The following KCNC2 variants were observed in gnomAD, a reference collection of about 807,000 sequenced individuals.
The protein encoded by KCNC2 is potassium voltage-gated channel subfamily C member 2.
Under a neutral mutation model 44.5 loss-of-function variants are expected in KCNC2, and 21 were observed. The ratio of observed to expected loss-of-function variants is 0.47; its 90% CI spans 0.33 to 0.68. The LOEUF is 0.68. KCNC2 is among the 30% of genes least tolerant of loss of function. The pLI is 0.01. For missense variants in KCNC2, 589 were observed against 826.2 expected (o/e 0.71, Z 3.52); for synonymous variants, 391 against 339.1 (o/e 1.15, Z -1.68).
chr12:75,165,981 G>A (rs1891423358), intron 2 of KCNC2, among the ~76,000 whole-genome samples: 1 of 151,236 alleles, frequency 6.6e-6, no homozygotes, highest in South Asian at 2.1e-4. Flanking sequence ...GACAGAATGA[G>A]TTTAAAGAAT....
At chr12:75,206,897 A>G (rs189411037) in intron 2 of KCNC2, among the ~76,000 whole-genome samples, 48 of 152,324 alleles carry the variant, frequency 3.2e-4, no homozygotes, top group African/African-American at 1.1e-3. Context: ...GAAAATGTCA[A>G]ATAGGGATGA....
At chr12:75,202,928 G>A (rs898176145) in intron 2 of KCNC2, among the ~76,000 whole-genome samples, 4 of 151,064 alleles carry the variant, frequency 2.6e-5, no homozygotes, top group African/African-American at 9.7e-5. Context: ...GCTCATTGAA[G>A]GCAAAGGATT....
At position 75,153,786 on chromosome 12, in the gene KCNC2, T is replaced by C. The variant is rs537754252; in HGVS notation, c.687+53511A>G. Among the ~76,000 whole-genome samples, 40 of 151,830 alleles carry C rather than the reference T, an allele frequency of 2.6e-4. 1 individual carries two copies. Among genetic ancestry groups the C allele is most frequent in the Middle Eastern group, 3.4e-3 (1 of 294 alleles). ...AAAAGAAATGTTATTAAGAAAAACGTGAAGGAGAGAAAATATATTTATTAT... is the reference window on the plus strand; with the variant it reads ...AAAAGAAATGTTATTAAGAAAAACGCGAAGGAGAGAAAATATATTTATTAT... On this transcript the variant is annotated intron_variant, in intron 2 of 4. Coordinates refer to ENST00000549446, the MANE Select transcript of KCNC2 (RefSeq NM_139137.4).
At chr12:75,106,591 G>A (rs1226754415) in intron 2 of KCNC2, among the ~76,000 whole-genome samples, 4 of 152,036 alleles carry the variant, frequency 2.6e-5, no homozygotes, top group Non-Finnish European at 4.4e-5. Flanking sequence ...GAAGGTATAG[G>A]TAATGGATGC....
chr12:75,099,692 T>C (rs1488092200), intron 2 of KCNC2, among the ~76,000 whole-genome samples: 1 of 152,180 alleles, frequency 6.6e-6, no homozygotes, highest in Non-Finnish European at 1.5e-5. Flanking sequence ...ATACAAGATT[T>C]CTATTATCCT....
chr12:75,084,836 A>G (rs1884859811), intron 2 of KCNC2, among the ~76,000 whole-genome samples: 1 of 151,808 alleles, frequency 6.6e-6, no homozygotes. Flanking sequence ...GAAGATATGT[A>G]TGCTCTAAGA....
chr12:75,076,430 G>C (rs970592436), intron 2 of KCNC2, among the ~76,000 whole-genome samples: 3 of 151,938 alleles, frequency 2.0e-5, no homozygotes, highest in Non-Finnish European at 2.9e-5. Flanking sequence ...CCGCTACCAC[G>C]CCCGGCTAAT....
At chr12:75,070,696 T>G (rs533427503) in intron 2 of KCNC2, among the ~76,000 whole-genome samples, 191 of 152,012 alleles carry the variant, frequency 1.3e-3, no homozygotes, top group Non-Finnish European at 2.1e-3. Flanking sequence ...AAATGCATTA[T>G]TAATATATTT....
intron 2 of KCNC2, among the ~76,000 whole-genome samples, chr12:75,133,447 A>AC (rs1285092111): frequency 6.7e-6 from 1 of 150,176 alleles, no homozygotes. Flanking sequence ...ATACTACAGA[A>AC]CTGAAAAAAA....
At chr12:75,061,802 A>G (rs985915059) in intron 2 of KCNC2, among the ~76,000 whole-genome samples, 1 of 152,078 alleles carries the variant, frequency 6.6e-6, no homozygotes, top group Non-Finnish European at 1.5e-5. Context: ...CATCATAACT[A>G]CATGATTTTT....
chr12:75,090,136 G>A (rs1885349951), intron 2 of KCNC2, among the ~76,000 whole-genome samples: 1 of 151,592 alleles, frequency 6.6e-6, no homozygotes, highest in African/African-American at 2.4e-5. Flanking sequence ...CAGTCTAGAT[G>A]GCATCTCTAC....
At chr12:75,058,083 A>G (rs915929844) in intron 2 of KCNC2, among the ~76,000 whole-genome samples, 2 of 152,042 alleles carry the variant, frequency 1.3e-5, no homozygotes, top group Non-Finnish European at 2.9e-5. Flanking sequence ...TTAGGTAACC[A>G]GAATTAAAAG....
chr12:75,201,158 T>C (rs1017791575), intron 2 of KCNC2, among the ~76,000 whole-genome samples: 1 of 147,256 alleles, frequency 6.8e-6, no homozygotes, highest in African/African-American at 2.5e-5. Flanking sequence ...CTGTTTTCAA[T>C]GGAAACAGGA....
chr12:75,110,181 AG>A (rs1478587622), intron 2 of KCNC2, among the ~76,000 whole-genome samples: 13 of 152,144 alleles, frequency 8.5e-5, no homozygotes, highest in African/African-American at 2.4e-4. Flanking sequence ...ACAGATTGAA[AG>A]GGTTCACCAT....
At position 75,043,183 on chromosome 12, in the gene KCNC2, C is replaced by A; in HGVS notation, c.1839G>T (p.Arg613Ser). The A allele has an allele frequency of 1.2e-6, 2 of 1,612,408 alleles. No homozygotes were observed. The highest frequency in any genetic ancestry group is 1.7e-6 in the Non-Finnish European group (2 of 1,178,982). The change falls in exon 5 of 5, where the codon AGG (arginine) becomes AGT (serine). Residue 613 changes from arginine to serine, a missense_variant. Physicochemically the swap from Arg to Ser is moderately radical, Grantham distance 110. This residue lies in a region of KCNC2 where 171 missense variants were observed against 182.4 expected (regional missense o/e 0.94). Coordinates refer to ENST00000549446, the MANE Select transcript of KCNC2 (RefSeq NM_139137.4). ...TGTAGGGTGATGTTACTGGAGAGAGCCTCAGAGCATTGCCTGCCAAGCCCG... is the reference window on the plus strand; with the variant it reads ...TGTAGGGTGATGTTACTGGAGAGAGACTCAGAGCATTGCCTGCCAAGCCCG... ...NIAGLAGNAL[R>S]LSPVTSPYNS... is the part of the protein sequence containing the mutation.
At chr12:75,059,155 G>A (rs1304786486) in intron 2 of KCNC2, among the ~76,000 whole-genome samples, 3 of 152,032 alleles carry the variant, frequency 2.0e-5, no homozygotes, top group Non-Finnish European at 2.9e-5. Context: ...TGAGAAACAA[G>A]GAAACCATAT....
At chr12:75,131,427 C>T (rs1285535197) in intron 2 of KCNC2, among the ~76,000 whole-genome samples, 1 of 152,056 alleles carries the variant, frequency 6.6e-6, no homozygotes, top group Non-Finnish European at 1.5e-5. Flanking sequence ...AATGGGCCCT[C>T]AAATAATGTC....
intron 2 of KCNC2, among the ~76,000 whole-genome samples, chr12:75,140,884 A>G (rs1316855592): frequency 6.6e-6 from 1 of 152,128 alleles, no homozygotes; most frequent in Non-Finnish European, 1.5e-5. Context: ...CCAAGAAAAA[A>G]AAAACAAAAA....
At position 75,051,078 on chromosome 12, in the gene KCNC2, T is replaced by C. The variant is rs1192713323; in HGVS notation, c.927A>G (p.Glu309=). Residue 309 remains glutamate, a synonymous_variant, in exon 3 of 5, where the codon GAA becomes GAG. Coordinates refer to ENST00000549446, the MANE Select transcript of KCNC2 (RefSeq NM_139137.4). The stretch of plus-strand genomic sequence containing the variant: ...TGATATTCAAGAGATTTTTGATGAA[T>C]TCAAGTTTATTGGGTGAAAAAACAA... ...VRIVFSPNKL[E]FIKNLLNIID... 1 of 1,613,678 alleles carries C rather than the reference T, an allele frequency of 6.2e-7. No individual in the cohort carries two copies. Among genetic ancestry groups the C allele is most frequent in the East Asian group, 2.2e-5 (1 of 44,856 alleles).
Sources: allele counts gnomAD v4.1 joint callset (sites outside exome capture counted in the v4.1 genomes callset), GRCh38; gene constraint gnomAD v4.1.1; regional missense constraint gnomAD v4.1.1; transcripts MANE v1.5; gene names NCBI Gene and HGNC (gene_info 2026-07-23, HGNC 2026-07-21).